The following SUPT3H variants were observed in gnomAD, a reference collection of about 807,000 sequenced individuals.
SUPT3H encodes transcription initiation protein SPT3 homolog.
A neutral mutation model predicts 44.3 loss-of-function variants in SUPT3H; 44 were observed. The ratio of observed to expected loss-of-function variants is 0.99; its 90% CI spans 0.78 to 1.28. SUPT3H has a LOEUF of 1.28. Ranked by LOEUF, SUPT3H falls within the 50% of genes most tolerant of loss-of-function variation. The probability of loss-of-function intolerance (pLI) is 0.00; values close to 1 mark genes in which losing one functional copy is unlikely to be tolerated. For missense variants in SUPT3H, 380 were observed against 387.1 expected, an observed-to-expected ratio of 0.98 and a Z score of 0.15; for synonymous variants, 124 against 125.6, an observed-to-expected ratio of 0.99 and a Z score of 0.09.
intron 10 of SUPT3H, among the ~76,000 whole-genome samples, chr6:44,925,174 C>T (rs1327693908): frequency 6.6e-6 from 1 of 152,148 alleles, no homozygotes; most frequent in East Asian, 1.9e-4. Flanking sequence ...AATAAATTTA[C>T]ATCAAAGTAA....
At chr6:45,123,046 C>T (rs1330235856) in intron 2 of SUPT3H, among the ~76,000 whole-genome samples, 1 of 152,086 alleles carries the variant, frequency 6.6e-6, no homozygotes, top group Non-Finnish European at 1.5e-5. Context: ...TAAATATAGT[C>T]CTATTTTCTT....
At chr6:44,848,235 G>C (rs1302502512) in intron 10 of SUPT3H, among the ~76,000 whole-genome samples, 1 of 152,092 alleles carries the variant, frequency 6.6e-6, no homozygotes, top group Non-Finnish European at 1.5e-5. Flanking sequence ...CTCCCAAAGT[G>C]CTAGGATTAC....
intron 10 of SUPT3H, among the ~76,000 whole-genome samples, chr6:44,889,207 A>C (rs1762855812): frequency 6.6e-6 from 1 of 152,182 alleles, no homozygotes; most frequent in African/African-American, 2.4e-5. Context: ...TAATTTATAG[A>C]TTCAATGCCA....
intron 3 of SUPT3H, chr6:45,098,967 T>G: frequency 2.3e-6 from 1 of 440,416 alleles, no homozygotes; most frequent in Admixed American, 2.5e-5. Flanking sequence ...GATCACAGAC[T>G]CTGGGATCCA....
At chr6:44,987,409 GA>G (rs780520280) in intron 6 of SUPT3H, among the ~76,000 whole-genome samples, 1 of 152,000 alleles carries the variant, frequency 6.6e-6, no homozygotes, top group Non-Finnish European at 1.5e-5. Flanking sequence ...GAGAGAGCTA[GA>G]AAACAGCACA....
At chr6:45,248,653 T>C (rs988040771) in intron 2 of SUPT3H, among the ~76,000 whole-genome samples, 2 of 152,122 alleles carry the variant, frequency 1.3e-5, no homozygotes, top group Non-Finnish European at 2.9e-5. Flanking sequence ...GGCGTGGCTC[T>C]TGCCTGTAAT....
intron 3 of SUPT3H, among the ~76,000 whole-genome samples, chr6:45,093,445 T>C (rs1797397924): frequency 6.6e-6 from 1 of 152,020 alleles, no homozygotes; most frequent in Non-Finnish European, 1.5e-5. Flanking sequence ...TCAAGAGTAA[T>C]AGCAGCAATG....
intron 2 of SUPT3H, among the ~76,000 whole-genome samples, chr6:45,318,428 G>A (rs763036068): frequency 2.6e-5 from 4 of 152,070 alleles, no homozygotes; most frequent in Non-Finnish European, 4.4e-5. Flanking sequence ...TAACTATAAT[G>A]TATCAATATT....
chr6:45,147,928 T>A (rs915948094), intron 2 of SUPT3H, among the ~76,000 whole-genome samples: 13 of 152,208 alleles, frequency 8.5e-5, no homozygotes, highest in African/African-American at 3.1e-4. Context: ...ATAACTGTAC[T>A]ATTTTAATAA....
chr6:45,255,837 T>TCAC (rs1247892872), intron 2 of SUPT3H, among the ~76,000 whole-genome samples: 6 of 152,290 alleles, frequency 3.9e-5, no homozygotes, highest in African/African-American at 1.4e-4. Context: ...TGTGCAACTA[T>TCAC]CACCACAGTC....
intron 2 of SUPT3H, among the ~76,000 whole-genome samples, chr6:45,321,285 T>C (rs1449514065): frequency 2.6e-5 from 4 of 152,168 alleles, no homozygotes; most frequent in Non-Finnish European, 5.9e-5. Flanking sequence ...GAGTGAATTT[T>C]CCTCAAGTAT....
intron 10 of SUPT3H, among the ~76,000 whole-genome samples, chr6:44,879,789 T>C (rs1449501004): frequency 6.6e-6 from 1 of 152,058 alleles, no homozygotes; most frequent in African/African-American, 2.4e-5. Context: ...GCAAACAGGG[T>C]CTGGAGTGGA....
At chr6:45,012,630 C>G (rs539171672) in intron 5 of SUPT3H, among the ~76,000 whole-genome samples, 2 of 151,976 alleles carry the variant, frequency 1.3e-5, no homozygotes, top group South Asian at 4.2e-4. Context: ...ATGTTTTTGT[C>G]TGCTAAGTCC....
chr6:44,884,469 A>G (rs1161812260), intron 10 of SUPT3H, among the ~76,000 whole-genome samples: 2 of 152,216 alleles, frequency 1.3e-5, no homozygotes, highest in African/African-American at 4.8e-5. Context: ...ATCTAGAAGC[A>G]GAAATACCAT....
chr6:45,184,707 A>G (rs1307760854), intron 2 of SUPT3H, among the ~76,000 whole-genome samples: 5 of 146,042 alleles, frequency 3.4e-5, no homozygotes, highest in Non-Finnish European at 6.0e-5. Context: ...GCATCTCCTT[A>G]TTGCCTCCCA....
chr6:44,981,109 T>C (rs1247867866), intron 6 of SUPT3H, among the ~76,000 whole-genome samples: 1 of 152,206 alleles, frequency 6.6e-6, no homozygotes, highest in Non-Finnish European at 1.5e-5. Context: ...TGTTCTACTC[T>C]AACTCTTTAC....
intron 10 of SUPT3H, among the ~76,000 whole-genome samples, chr6:44,910,137 A>G (rs1012572424): frequency 6.6e-6 from 1 of 151,768 alleles, no homozygotes; most frequent in African/African-American, 2.4e-5. Flanking sequence ...ATCATGCTCA[A>G]CTCTCTACCT....
At chr6:45,158,296 ATATT>A (rs1294193529) in intron 2 of SUPT3H, among the ~76,000 whole-genome samples, 10 of 72,012 alleles carry the variant, frequency 1.4e-4, no homozygotes, top group Admixed American at 7.0e-4. Flanking sequence ...ATATATATAT[ATATT>A]TTTTTTTTTT....
At chr6:44,837,723 A>G (rs1770176997) in intron 10 of SUPT3H, among the ~76,000 whole-genome samples, 1 of 152,274 alleles carries the variant, frequency 6.6e-6, no homozygotes, top group African/African-American at 2.4e-5. Flanking sequence ...TATTCAATTC[A>G]TCTAAAACAA....
Sources: allele counts gnomAD v4.1 joint callset (sites outside exome capture counted in the v4.1 genomes callset), GRCh38; gene constraint gnomAD v4.1.1; transcripts MANE v1.5; gene names NCBI Gene and HGNC (gene_info 2026-07-23, HGNC 2026-07-21).